TRAPPC12: variants seen among roughly 807,000 people sequenced by gnomAD.
TRAPPC12 encodes trafficking protein particle complex subunit 12, also known as TPR repeat protein 15.
TRAPPC12 carries 61 observed loss-of-function variants against 69.2 expected under a neutral mutation model. That is an observed-to-expected ratio of 0.88 (90% CI 0.72 to 1.09). The LOEUF (loss-of-function observed/expected upper bound fraction) is 1.09, where lower values mean the gene tolerates loss of function less well. TRAPPC12 is among the 50% of genes least tolerant of loss of function. TRAPPC12 has a pLI of 0.00. For synonymous variants in TRAPPC12, 469 were observed against 438.9 expected (o/e 1.07, Z -0.86); for missense variants, 1,101 against 1,016.4 (o/e 1.08, Z -1.13).
In TRAPPC12 at chr2:3,414,440, G is replaced by A. The variant is rs1662228093; in HGVS notation, c.1165-7441G>A. 6.6e-6 allele frequency among the ~76,000 whole-genome samples: 1 copy of A among 151,702 alleles called. No homozygotes were observed. The highest frequency in any genetic ancestry group is 2.1e-4 in the South Asian group (1 of 4,802). ...CATTCTCTCCCTTCAAAGCCCCCCGGGTTCTTGTCCTCCCCCCTGCCGCCA... is the reference window on the plus strand; with the variant it reads ...CATTCTCTCCCTTCAAAGCCCCCCGAGTTCTTGTCCTCCCCCCTGCCGCCA... On this transcript the variant is annotated intron_variant, in intron 3 of 11. Coordinates refer to ENST00000324266, the MANE Select transcript of TRAPPC12 (RefSeq NM_016030.6). This position sits in a 1 kb window ranked among gnomAD's most constrained non-coding sequence, Gnocchi z 4.9.
At chr2:3,402,028 G>A in intron 3 of TRAPPC12, 135 bp downstream of exon 3, 1 of 632,754 alleles carries the variant, frequency 1.6e-6, no homozygotes, top group South Asian at 2.5e-5. Flanking sequence ...TGTTGGAGTA[G>A]ATGCCAGTCC....
intron 8 of TRAPPC12, 53 bp downstream of exon 8, chr2:3,460,389 T>C (rs1665425110): frequency 1.2e-6 from 1 of 839,164 alleles, no homozygotes; most frequent in African/African-American, 1.7e-5. Flanking sequence ...GCGGGGTCAG[T>C]GGGAGCCGCG....
At chr2:3,474,601 C>T (rs774657635) in intron 9 of TRAPPC12, among the ~76,000 whole-genome samples, 1 of 152,166 alleles carries the variant, frequency 6.6e-6, no homozygotes, top group South Asian at 2.1e-4. Context: ...CTCTTAAGGT[C>T]GGAGCTCCAG....
chr2:3,470,714 T>C (rs1666025308), intron 9 of TRAPPC12, among the ~76,000 whole-genome samples: 1 of 152,174 alleles, frequency 6.6e-6, no homozygotes, highest in African/African-American at 2.4e-5. Context: ...TTTTCTGAGC[T>C]TGGGAAAATT....
intron 8 of TRAPPC12, among the ~76,000 whole-genome samples, chr2:3,463,910 G>C (rs1382553136): frequency 1.3e-5 from 2 of 152,178 alleles, no homozygotes; most frequent in Non-Finnish European, 2.9e-5. Flanking sequence ...GCCTAGGGGG[G>C]CAGCTGCTAC....
At chr2:3,454,081 C>T (rs565762693) in intron 6 of TRAPPC12, among the ~76,000 whole-genome samples, 1 of 152,356 alleles carries the variant, frequency 6.6e-6, no homozygotes, top group South Asian at 2.1e-4. Context: ...TTCCTGTCAA[C>T]AATAGGGGCT....
chr2:3,404,299 G>A (rs1206870317), intron 3 of TRAPPC12, among the ~76,000 whole-genome samples: 3 of 152,148 alleles, frequency 2.0e-5, no homozygotes, highest in African/African-American at 7.2e-5. Context: ...CTACTTTCTA[G>A]TGTTCTATTG....
At chr2:3,425,501 A>G (rs373944104) in intron 5 of TRAPPC12, among the ~76,000 whole-genome samples, 8 of 152,278 alleles carry the variant, frequency 5.3e-5, no homozygotes, top group South Asian at 4.1e-4. Flanking sequence ...AGAGATGCCA[A>G]TCCTCCTTGC....
chr2:3,383,656 C>T (rs563951951), intron 1 of TRAPPC12, among the ~76,000 whole-genome samples: 3 of 152,008 alleles, frequency 2.0e-5, no homozygotes, highest in East Asian at 3.9e-4. Context: ...ACGCCCGCCC[C>T]GGCCTCCGAA....
chr2:3,457,922 GAC>G, intron 7 of TRAPPC12: 1 of 1,405,476 alleles, frequency 7.1e-7, no homozygotes, highest in South Asian at 1.6e-5. Flanking sequence ...CCGGGGAGAA[GAC>G]ACGCCTTCAC....
intron 9 of TRAPPC12, among the ~76,000 whole-genome samples, chr2:3,470,831 C>T (rs1031654075): frequency 9.9e-5 from 15 of 152,160 alleles, no homozygotes; most frequent in African/African-American, 3.6e-4. Context: ...ACAAAATATG[C>T]AGACACCTTT....
At chr2:3,402,448 G>T (rs1257733904) in intron 3 of TRAPPC12, among the ~76,000 whole-genome samples, 1 of 152,104 alleles carries the variant, frequency 6.6e-6, no homozygotes, top group Non-Finnish European at 1.5e-5. Flanking sequence ...AATTAGCTGG[G>T]CATGGTGGTG....
intron 7 of TRAPPC12, 111 bp from the exon 8 acceptor site, chr2:3,460,152 T>C: frequency 1.3e-6 from 1 of 786,926 alleles, no homozygotes; most frequent in Non-Finnish European, 2.3e-6. Flanking sequence ...CCAGTGGTGT[T>C]AACAAGAGGG....
At chr2:3,398,361 C>G (rs936733871) in intron 2 of TRAPPC12, among the ~76,000 whole-genome samples, 3 of 152,120 alleles carry the variant, frequency 2.0e-5, no homozygotes, top group African/African-American at 7.2e-5. Flanking sequence ...GCTCCACATC[C>G]TTGAGTTTGG....
intron 3 of TRAPPC12, among the ~76,000 whole-genome samples, chr2:3,419,208 C>G (rs575539549): frequency 1.7e-4 from 26 of 152,310 alleles, no homozygotes; most frequent in African/African-American, 5.8e-4. Context: ...AGCCTTAGGC[C>G]TAGGGAACCA....
rs1666455558 is a variant in TRAPPC12 at position 3,479,501 on chromosome 2, G to C, written c.*40G>C. 5 of 1,604,738 alleles carry C rather than the reference G, an allele frequency of 3.1e-6. No individual in the cohort carries two copies. The highest frequency in any genetic ancestry group is 4.3e-6 in the Non-Finnish European group (5 of 1,175,168). On this transcript the variant is annotated 3_prime_UTR_variant, in exon 12 of 12. Coordinates refer to ENST00000324266, the MANE Select transcript of TRAPPC12 (RefSeq NM_016030.6). Reference sequence around the variant, plus strand: ...CTACGTCAGAAGGACCCGGGTCTTTGAAACTGTGTCTTGAAGCTAATGTAT... The same window carrying C: ...CTACGTCAGAAGGACCCGGGTCTTTCAAACTGTGTCTTGAAGCTAATGTAT...
chr2:3,463,928 C>T (rs1026442604), intron 8 of TRAPPC12, among the ~76,000 whole-genome samples: 6 of 152,148 alleles, frequency 3.9e-5, no homozygotes, highest in Admixed American at 6.5e-5. Context: ...TACTTTTCCC[C>T]GAGCTGGTGC....
chr2:3,406,480 T>G (rs1013820567), intron 3 of TRAPPC12, among the ~76,000 whole-genome samples: 1 of 152,254 alleles, frequency 6.6e-6, no homozygotes, highest in African/African-American at 2.4e-5. Flanking sequence ...AGTCGAATGC[T>G]TCTTTGAGTT....
intron 3 of TRAPPC12, among the ~76,000 whole-genome samples, chr2:3,416,128 A>G (rs778784357): frequency 2.2e-4 from 33 of 152,084 alleles, no homozygotes; most frequent in Non-Finnish European, 4.6e-4. Context: ...CCTCATGCCA[A>G]ATTCATCTTT....
Sources: gnomAD v4.1 joint callset for allele counts (sites outside exome capture counted in the v4.1 genomes callset) on GRCh38, gnomAD v4.1.1 for gene constraint, Gnocchi (gnomAD v3.1) non-coding constraint, MANE v1.5 for transcripts, NCBI Gene and HGNC (gene_info 2026-07-23, HGNC 2026-07-21) for gene names.